Variants in GC observed in about 807,000 individuals in gnomAD.
GC encodes vitamin D-binding protein.
A neutral mutation model predicts 56.7 loss-of-function variants in GC; 43 were observed. The ratio of observed to expected loss-of-function variants is 0.76; its 90% CI spans 0.59 to 0.98. GC has a LOEUF of 0.98. Among genes scored for constraint, GC ranks in the 50% least tolerant of loss-of-function variants. The pLI, the probability that GC is intolerant of heterozygous loss-of-function variation, is 0.00. For missense variants in GC, 529 were observed against 545.9 expected (o/e 0.97, Z 0.31); for synonymous variants, 216 against 202.7 (o/e 1.07, Z -0.56).
intron 12 of GC, among the ~76,000 whole-genome samples, chr4:71,745,551 A>G (rs1262839289): frequency 6.6e-6 from 1 of 152,196 alleles, no homozygotes; most frequent in African/African-American, 2.4e-5. Context: ...TTTCTTTAGC[A>G]TAAATACAAT....
At chr4:71,798,251 A>G (rs1481500200) in intron 1 of GC, among the ~76,000 whole-genome samples, 1 of 152,144 alleles carries the variant, frequency 6.6e-6, no homozygotes, top group Non-Finnish European at 1.5e-5. Context: ...TATCTTTTAA[A>G]GTTTTCATTT....
At chr4:71,798,326 G>A (rs1235914389) in intron 1 of GC, among the ~76,000 whole-genome samples, 1 of 152,030 alleles carries the variant, frequency 6.6e-6, no homozygotes, top group African/African-American at 2.4e-5. Flanking sequence ...CTCAGAGTTG[G>A]TTTCTGTTGA....
chr4:71,804,264 G>T (rs895968407), upstream of GC, among the ~76,000 whole-genome samples: 1 of 152,164 alleles, frequency 6.6e-6, no homozygotes, highest in Non-Finnish European at 1.5e-5. Flanking sequence ...TCAAATGTGT[G>T]AACAGCTGGA....
chr4:71,756,860 A>T lies in GC; in HGVS notation c.886T>A (p.Phe296Ile), dbSNP rs1028285987. 4.3e-6 allele frequency: 7 copies of T among 1,613,784 alleles called. No homozygotes were observed. Among genetic ancestry groups the T allele is most frequent in the Non-Finnish European group, 5.1e-6 (6 of 1,179,720 alleles). ...CDNLSTKNSK[F>I]EDCCQEKTAM... ...GTTTTTTCTTGACAACAGTCTTCAA[A>T]CTTAGAATTCTTTGTGGATAAATTG... The change falls in exon 8 of 13, where the codon TTT becomes ATT. Residue 296 changes from phenylalanine (F) to isoleucine (I), a missense_variant. Transcript: ENST00000273951.
At chr4:71,802,584 T>C (rs986897342) in intron 1 of GC, among the ~76,000 whole-genome samples, 8 of 152,244 alleles carry the variant, frequency 5.3e-5, no homozygotes, top group Non-Finnish European at 1.0e-4. Flanking sequence ...CATTTAATAC[T>C]GTGATAAGCC....
chr4:71,787,112 G>T (rs1434599309), upstream of GC, among the ~76,000 whole-genome samples: 1 of 151,826 alleles, frequency 6.6e-6, no homozygotes, highest in African/African-American at 2.4e-5. Flanking sequence ...AGCTGAATTT[G>T]CAATGAAAAG....
rs977466834 is a variant in GC, at chr4:71,752,503, G to T, written c.1395+15C>A. ...AAGATTCTGCCATGTTAAGTGGAGG[G>T]TTACATTTTCCTACCTCTGAATCAC... On this transcript the variant is annotated intron_variant, in intron 11 of 12. Coordinates refer to ENST00000273951, the MANE Select transcript of GC (RefSeq NM_000583.4). The T allele has an allele frequency of 8.7e-6, 14 of 1,605,666 alleles. No homozygotes were observed. The highest frequency in any genetic ancestry group is 1.1e-5 in the Non-Finnish European group (13 of 1,175,674).
intron 11 of GC, among the ~76,000 whole-genome samples, chr4:71,749,183 TCAA>T (rs1741470196): frequency 6.6e-6 from 1 of 152,140 alleles, no homozygotes; most frequent in Non-Finnish European, 1.5e-5. Context: ...CACAAGTATC[TCAA>T]CAACTCCATT....
chr4:71,797,885 A>G (rs953057257), intron 1 of GC, among the ~76,000 whole-genome samples: 1 of 152,208 alleles, frequency 6.6e-6, no homozygotes, highest in Admixed American at 6.5e-5. Flanking sequence ...TTTAAAAATC[A>G]AATTTATGTA....
At chr4:71,786,846 T>C (rs1214342306), upstream of GC, among the ~76,000 whole-genome samples, 1 of 151,876 alleles carries the variant, frequency 6.6e-6, no homozygotes, top group Admixed American at 6.6e-5. Flanking sequence ...TTCAGAATGA[T>C]TTTGTCTGGT....
intron 1 of GC, among the ~76,000 whole-genome samples, chr4:71,777,427 T>C (rs1742542479): frequency 6.6e-6 from 1 of 151,496 alleles, no homozygotes; most frequent in African/African-American, 2.4e-5. Context: ...ATCATGTAGA[T>C]GGAAAATGGA....
rs116451995 is a variant in GC, at chr4:71,757,667, G to A, written c.831+375C>T. Among the ~76,000 whole-genome samples, 1,177 of 152,242 alleles carry A rather than the reference G, an allele frequency of 7.7e-3. 21 individuals are homozygous for A. Among genetic ancestry groups the A allele is most frequent in the African/African-American group, 0.027 (1,126 of 41,546 alleles). On this transcript the variant is annotated intron_variant, in intron 7 of 12. Coordinates refer to ENST00000273951, the MANE Select transcript of GC (RefSeq NM_000583.4). Reference sequence around the variant, plus strand: ...CATTTGAAATGTGGTTAGTGTAACTGAAGAACTGAATTTTAAATCATATTC... The same window carrying A: ...CATTTGAAATGTGGTTAGTGTAACTAAAGAACTGAATTTTAAATCATATTC...
chr4:71,767,776 A>C (rs1445129461), intron 3 of GC, among the ~76,000 whole-genome samples: 2 of 151,938 alleles, frequency 1.3e-5, no homozygotes, highest in Non-Finnish European at 2.9e-5. Flanking sequence ...AGCCGTGTAC[A>C]GTGTACCTAA....
chr4:71,788,720 A>G (rs1010335151), upstream of GC, among the ~76,000 whole-genome samples: 1 of 151,884 alleles, frequency 6.6e-6, no homozygotes, highest in East Asian at 1.9e-4. Flanking sequence ...TGAGAAAGAA[A>G]GAAAGAAATT....
chr4:71,743,744 T>C (rs539780858), intron 12 of GC, among the ~76,000 whole-genome samples: 1 of 152,346 alleles, frequency 6.6e-6, no homozygotes, highest in East Asian at 1.9e-4. Context: ...GCCATGTAAC[T>C]ATTCCTGAAA....
intron 1 of GC, among the ~76,000 whole-genome samples, chr4:71,791,732 A>T (rs1344476641): frequency 6.6e-6 from 1 of 151,688 alleles, no homozygotes; most frequent in Non-Finnish European, 1.5e-5. Flanking sequence ...TTTGTTACAT[A>T]GGTATATGTG....
chr4:71,780,821 G>C (rs143711943), intron 1 of GC, among the ~76,000 whole-genome samples: 1 of 152,118 alleles, frequency 6.6e-6, no homozygotes, highest in African/African-American at 2.4e-5. Flanking sequence ...GCGGAAGACA[G>C]TGTGACTATT....
At position 71,771,854 on chromosome 4, in the gene GC, T is replaced by C. The variant is rs112358929; in HGVS notation, c.59-2454A>G. Among the ~76,000 whole-genome samples the C allele has an allele frequency of 1.1e-3, 160 of 152,260 alleles. 1 individual carries two copies. The highest frequency in any genetic ancestry group is 3.8e-3 in the African/African-American group (156 of 41,572). ...AGACTAGAACACAGAGAAGAATAAT[T>C]AGGGCTAGAACTGTCCTCATGTGGT... is the stretch of plus-strand genomic sequence containing the variant. On this transcript the variant is annotated intron_variant, in intron 1 of 12. Transcript: ENST00000273951.
upstream of GC, chr4:71,784,391 A>T: frequency 1.1e-6 from 1 of 930,140 alleles, no homozygotes; most frequent in Non-Finnish European, 1.3e-6. Flanking sequence ...CTCCCCCTGT[A>T]TAGGGCTGTG....
Sources: allele counts gnomAD v4.1 joint callset (sites outside exome capture counted in the v4.1 genomes callset), GRCh38; gene constraint gnomAD v4.1.1; transcripts MANE v1.5; gene names NCBI Gene and HGNC (gene_info 2026-07-23, HGNC 2026-07-21).